The following KIAA0232 variants were observed in gnomAD, a reference collection of about 807,000 sequenced individuals.
KIAA0232 encodes uncharacterized protein KIAA0232.
A neutral mutation model predicts 122.0 loss-of-function variants in KIAA0232; 27 were observed. That is an observed-to-expected ratio of 0.22 (90% CI 0.16 to 0.31). KIAA0232 has a LOEUF of 0.31. Ranked by LOEUF, KIAA0232 falls within the 10% of genes least tolerant of loss-of-function variation. KIAA0232 has a pLI of 1.00. For missense variants in KIAA0232, 1,551 were observed against 1,634.2 expected (o/e 0.95, Z 0.88); for synonymous variants, 613 against 587.6 (o/e 1.04, Z -0.63).
chr4:6,814,789 C>T (rs1189792085), intron 2 of KIAA0232, among the ~76,000 whole-genome samples: 2 of 152,090 alleles, frequency 1.3e-5, no homozygotes, highest in Non-Finnish European at 1.5e-5. Flanking sequence ...ACTTTCCACT[C>T]GCCATCCTAC....
chr4:6,871,768 C>A, intron 8 of KIAA0232, 86 bp downstream of exon 8: 2 of 827,528 alleles, frequency 2.4e-6, no homozygotes, highest in African/African-American at 1.7e-5. Context: ...AATATCAGTC[C>A]AAGAAACATT....
intron 3 of KIAA0232, among the ~76,000 whole-genome samples, chr4:6,837,509 G>A (rs1719382159): frequency 6.6e-6 from 1 of 152,222 alleles, no homozygotes; most frequent in South Asian, 2.1e-4. Flanking sequence ...TCCTAGACGG[G>A]GTGGCGGCCA....
intron 7 of KIAA0232, among the ~76,000 whole-genome samples, chr4:6,869,511 C>G (rs905982540): frequency 6.6e-6 from 1 of 152,226 alleles, no homozygotes; most frequent in Non-Finnish European, 1.5e-5. Context: ...AACTGCAGGC[C>G]TTGCGTGGTG....
rs1415296369 is a variant in KIAA0232, at chr4:6,864,127, G to A, written c.3745G>A (p.Gly1249Ser). Reference protein sequence around the residue: ...EINNFCGCKAGCQFPAYEDNP... With the variant: ...EINNFCGCKASCQFPAYEDNP... Reference sequence around the variant, plus strand: ...TAATAATTTTTGTGGTTGCAAAGCAGGTTGTCAGTTTCCTGCTTATGAAGA... The same window carrying A: ...TAATAATTTTTGTGGTTGCAAAGCAAGTTGTCAGTTTCCTGCTTATGAAGA... The change falls in exon 7 of 10, where the codon GGT (glycine) becomes AGT (serine). Residue 1249 changes from glycine to serine, a missense_variant. Gly to Ser is a moderately conservative substitution (Grantham distance 56). Transcript: ENST00000307659. 1 of 1,614,136 alleles carries A rather than the reference G, an allele frequency of 6.2e-7. No homozygotes were observed. The highest frequency in any genetic ancestry group is 1.7e-5 in the Admixed American group (1 of 60,014).
chr4:6,809,516 T>C (rs1025178851), intron 2 of KIAA0232, among the ~76,000 whole-genome samples: 13 of 152,306 alleles, frequency 8.5e-5, no homozygotes, highest in Non-Finnish European at 1.2e-4. Context: ...TGATCATCCC[T>C]GCCAATCCAG....
At chr4:6,872,419 G>C (rs1721541347) in intron 8 of KIAA0232, among the ~76,000 whole-genome samples, 1 of 152,194 alleles carries the variant, frequency 6.6e-6, no homozygotes, top group South Asian at 2.1e-4. Context: ...TAGGTAGAGA[G>C]GGAGACAGGA....
At chr4:6,850,726 G>C (rs1189036359) in intron 4 of KIAA0232, among the ~76,000 whole-genome samples, 1 of 151,564 alleles carries the variant, frequency 6.6e-6, no homozygotes, top group Non-Finnish European at 1.5e-5. Flanking sequence ...GAGTGCAGTG[G>C]CGTTATCTCA....
intron 1 of KIAA0232, among the ~76,000 whole-genome samples, chr4:6,798,603 G>T (rs954313817): frequency 8.5e-5 from 13 of 152,222 alleles, no homozygotes; most frequent in African/African-American, 3.1e-4. Flanking sequence ...ACAGGCTGGA[G>T]TGCAGGGGTG....
At position 6,862,964 on chromosome 4, in the gene KIAA0232, G is replaced by A; in HGVS notation, c.2582G>A (p.Cys861Tyr). 1 of 1,614,226 alleles carries A rather than the reference G, an allele frequency of 6.2e-7. No individual in the cohort carries two copies. The highest frequency in any genetic ancestry group is 1.1e-5 in the South Asian group (1 of 91,086). The part of the protein sequence containing the change: ...FSADVNNYCC[C>Y]LDAEAELETL... ...GCAGATGTAAATAACTACTGCTGCT[G>A]TCTAGATGCTGAAGCTGAACTGGAG... Residue 861 changes from cysteine to tyrosine, a missense_variant, in exon 7 of 10, where the codon TGT (cysteine) becomes TAT (tyrosine). Coordinates refer to ENST00000307659, the MANE Select transcript of KIAA0232 (RefSeq NM_014743.3).
In KIAA0232 at chr4:6,862,886, C is replaced by T. The variant is rs1720955433; in HGVS notation, c.2504C>T (p.Thr835Ile). 1 of 1,614,220 alleles carries T rather than the reference C, an allele frequency of 6.2e-7. No homozygotes were observed. The highest frequency in any genetic ancestry group is 8.5e-7 in the Non-Finnish European group (1 of 1,180,030). The change falls in exon 7 of 10, where the codon ACA (threonine) becomes ATA (isoleucine). Residue 835 changes from threonine to isoleucine, a missense_variant. Around this residue, in one of 5 missense-constraint regions of KIAA0232, gnomAD observed 1,108 missense variants for 1,154.8 expected, o/e 0.96. Transcript: ENST00000307659. ...GACATTTGGACAAAGATGGCAGACA[C>T]AAATTCTGTGGCTACAGTAGAAATA... Reference protein sequence around the residue: ...IKDIWTKMADTNSVATVEIER... With the variant: ...IKDIWTKMADINSVATVEIER...
Position 6,880,971 on chromosome 4 carries a change from G to C in KIAA0232, c.*5G>C. 1 of 1,490,360 alleles carries C rather than the reference G, an allele frequency of 6.7e-7. No homozygotes were observed. The highest frequency in any genetic ancestry group is 9.0e-7 in the Non-Finnish European group (1 of 1,114,052). The allele number at this position is 1,490,360 out of a possible 1,614,324, so 92.3% of individuals were successfully genotyped here. A position where few individuals can be genotyped will look rare whatever the true frequency, so the allele number is the denominator to read the frequency against. On this transcript the variant is annotated 3_prime_UTR_variant, in exon 10 of 10. Coordinates refer to ENST00000307659, the MANE Select transcript of KIAA0232 (RefSeq NM_014743.3). ...TTTTCTCGAACTCATCTCTAAACCT[G>C]CAAAATAGTACAAATTATTGTTTAA...
intron 3 of KIAA0232, among the ~76,000 whole-genome samples, chr4:6,825,622 G>T (rs894510677): frequency 6.6e-6 from 1 of 151,750 alleles, no homozygotes; most frequent in African/African-American, 2.4e-5. Context: ...ACCAAATACA[G>T]GTTCTTGAAA....
At chr4:6,836,795 C>G (rs1411159872) in intron 3 of KIAA0232, among the ~76,000 whole-genome samples, 1 of 152,068 alleles carries the variant, frequency 6.6e-6, no homozygotes, top group African/African-American at 2.4e-5. Context: ...CAAAGCACAT[C>G]TTGCACCGCC....
chr4:6,796,620 T>G (rs925608635), intron 1 of KIAA0232, among the ~76,000 whole-genome samples: 1 of 152,194 alleles, frequency 6.6e-6, no homozygotes, highest in Non-Finnish European at 1.5e-5. Context: ...GAATCAATCA[T>G]GATAGTAGAA....
rs572948253 is a variant in KIAA0232 at position 6,796,004 on chromosome 4, G to A, written c.-353-8519G>A. 8.4e-4 allele frequency among the ~76,000 whole-genome samples: 128 copies of A among 152,322 alleles called. 1 individual carries two copies. The highest frequency in any genetic ancestry group is 3.0e-3 in the African/African-American group (123 of 41,572). On this transcript the variant is annotated intron_variant, in intron 1 of 9. Transcript: ENST00000307659. ...GGCAGAGCCTGGAAAGCTGGGAAGA[G>A]GAGGAGCAGCCAGCGGAGGAGCCAG...
Position 6,791,748 on chromosome 4 carries a change from G to A in KIAA0232, c.-354+8907G>A, listed in dbSNP as rs554279652. On this transcript the variant is annotated intron_variant, in intron 1 of 9. Transcript: ENST00000307659. ...AAAAAATGGAATCATGGTAAAGAGT[G>A]TTCTTGTGTCATTATTTAAACAAAC... 3.3e-5 allele frequency among the ~76,000 whole-genome samples: 5 copies of A among 152,246 alleles called. No individual in the cohort carries two copies. The South Asian group carries it at 1.0e-3, about 32-fold the overall frequency.
chr4:6,785,977 ATTCTG>A (rs1716602678), intron 1 of KIAA0232, among the ~76,000 whole-genome samples: 1 of 152,146 alleles, frequency 6.6e-6, no homozygotes, highest in Non-Finnish European at 1.5e-5. Flanking sequence ...CATATCAAAT[ATTCTG>A]TTCTCTCTGG....
At chr4:6,836,541 C>CTTTTTT (rs1465134876) in intron 3 of KIAA0232, among the ~76,000 whole-genome samples, 1 of 92,718 alleles carries the variant, frequency 1.1e-5, no homozygotes, top group African/African-American at 4.1e-5. Context: ...TTTTTTTTTT[C>CTTTTTT]TTTTCTTTTT....
chr4:6,817,047 A>G (rs11722383), intron 2 of KIAA0232, among the ~76,000 whole-genome samples: 27,991 of 151,590 alleles, frequency 0.18, 3,322 homozygotes, highest in East Asian at 0.59. Flanking sequence ...TCTGCTTTCT[A>G]TTTCACTGGT....
Sources: gnomAD v4.1 joint callset for allele counts (sites outside exome capture counted in the v4.1 genomes callset) on GRCh38, gnomAD v4.1.1 for gene constraint, gnomAD v4.1.1 regional missense constraint, MANE v1.5 for transcripts, NCBI Gene and HGNC (gene_info 2026-07-23, HGNC 2026-07-21) for gene names.